The following BMPR1B variants were observed in gnomAD, a reference collection of about 807,000 sequenced individuals.
BMPR1B encodes bone morphogenetic protein receptor type-1B.
In BMPR1B, 12 loss-of-function variants were observed where a neutral mutation model predicts 59.1. The observed-to-expected ratio is 0.20, with a 90% CI of 0.13 to 0.33. BMPR1B has a LOEUF of 0.33. BMPR1B is among the 10% of genes least tolerant of loss of function. BMPR1B has a pLI of 1.00. For synonymous variants in BMPR1B, 237 were observed against 207.3 expected, an observed-to-expected ratio of 1.14 and a Z score of -1.23; for missense variants, 550 against 610.9, an observed-to-expected ratio of 0.90 and a Z score of 1.05.
At chr4:94,990,848 C>T (rs1721701594) in intron 2 of BMPR1B, among the ~76,000 whole-genome samples, 1 of 152,200 alleles carries the variant, frequency 6.6e-6, no homozygotes, top group Non-Finnish European at 1.5e-5. Context: ...ATTACCCCAT[C>T]CTTTTTCTTT....
At chr4:95,132,394 C>CA (rs1034679021) in intron 10 of BMPR1B, among the ~76,000 whole-genome samples, 8 of 151,796 alleles carry the variant, frequency 5.3e-5, no homozygotes, top group African/African-American at 1.5e-4. Flanking sequence ...GTAAAATTCA[C>CA]AAAAAAAGAC....
At chr4:95,138,694 C>G (rs1010478144) in intron 10 of BMPR1B, among the ~76,000 whole-genome samples, 1 of 152,266 alleles carries the variant, frequency 6.6e-6, no homozygotes, top group South Asian at 2.1e-4. Context: ...TTCACTTGAT[C>G]GAATCGACTA....
intron 2 of BMPR1B, among the ~76,000 whole-genome samples, chr4:94,933,283 T>C (rs1406237648): frequency 6.6e-6 from 1 of 152,088 alleles, no homozygotes; most frequent in Non-Finnish European, 1.5e-5. Flanking sequence ...TTCCATTATA[T>C]CATAGTTTAT....
chr4:94,854,609 T>C lies in BMPR1B; in HGVS notation c.-182-21222T>C, dbSNP rs191010254. Among the ~76,000 whole-genome samples, 690 of 152,308 alleles carry C rather than the reference T, an allele frequency of 4.5e-3. 3 individuals are homozygous for C. The highest frequency in any genetic ancestry group is 0.016 in the African/African-American group (655 of 41,568). On this transcript the variant is annotated intron_variant, in intron 1 of 12. Transcript: ENST00000515059. ...TTATATGTAAAATGCAGTAAGGTTC[T>C]AGACTGAGATAATTAAACATATTTT...
At chr4:95,002,943 CT>C (rs1346357975) in intron 3 of BMPR1B, among the ~76,000 whole-genome samples, 3 of 151,262 alleles carry the variant, frequency 2.0e-5, no homozygotes, top group Non-Finnish European at 4.4e-5. Flanking sequence ...TATACTTATT[CT>C]TTTTTTTCCA....
intron 1 of BMPR1B, among the ~76,000 whole-genome samples, chr4:94,871,092 T>C (rs1349824328): frequency 1.3e-5 from 2 of 152,128 alleles, no homozygotes; most frequent in Non-Finnish European, 2.9e-5. Context: ...ATTATCCCAA[T>C]TTTACAGATG....
At chr4:94,864,365 G>A (rs11941238) in intron 1 of BMPR1B, among the ~76,000 whole-genome samples, 10,490 of 152,104 alleles carry the variant, frequency 0.069, 930 homozygotes, top group African/African-American at 0.21. Flanking sequence ...AAAACGCCAA[G>A]CTCCAATTAC....
At chr4:94,778,337 T>C (rs1376872837) in intron 1 of BMPR1B, among the ~76,000 whole-genome samples, 1 of 152,196 alleles carries the variant, frequency 6.6e-6, no homozygotes, top group African/African-American at 2.4e-5. Flanking sequence ...AATACGACTC[T>C]TTAGGTAGTG....
chr4:94,967,392 A>G (rs1730592662), intron 2 of BMPR1B, among the ~76,000 whole-genome samples: 1 of 152,110 alleles, frequency 6.6e-6, no homozygotes, highest in South Asian at 2.1e-4. Context: ...TTTATTGTAA[A>G]GTAACTTTCT....
At chr4:95,080,586 C>T (rs1729062196) in intron 3 of BMPR1B, among the ~76,000 whole-genome samples, 2 of 152,120 alleles carry the variant, frequency 1.3e-5, no homozygotes, top group Admixed American at 6.6e-5. Flanking sequence ...GGTTATTGGT[C>T]ATCTATTGTG....
intron 3 of BMPR1B, among the ~76,000 whole-genome samples, chr4:95,013,527 A>T (rs1723366513): frequency 6.6e-6 from 1 of 152,194 alleles, no homozygotes; most frequent in Non-Finnish European, 1.5e-5. Flanking sequence ...AAGACTGCCC[A>T]GTTTCTCAGG....
intron 2 of BMPR1B, among the ~76,000 whole-genome samples, chr4:94,981,005 A>ACACGCGCGCGTACGCGCGCG (rs1721043060): frequency 8.1e-6 from 1 of 122,710 alleles, no homozygotes; most frequent in African/African-American, 3.4e-5. Flanking sequence ...ACACACACAC[A>ACACGCGCGCGTACGCGCGCG]CACACACACA....
intron 3 of BMPR1B, among the ~76,000 whole-genome samples, chr4:95,068,890 G>A (rs1728053463): frequency 6.6e-6 from 1 of 152,130 alleles, no homozygotes; most frequent in African/African-American, 2.4e-5. Context: ...CTCACTTAAT[G>A]TTGTTGATAG....
At chr4:94,896,853 C>T (rs1727607281) in intron 2 of BMPR1B, among the ~76,000 whole-genome samples, 1 of 151,996 alleles carries the variant, frequency 6.6e-6, no homozygotes, top group African/African-American at 2.4e-5. Flanking sequence ...TTAATATAAA[C>T]TATATCCTGA....
At chr4:94,771,647 T>C (rs993995006) in intron 1 of BMPR1B, among the ~76,000 whole-genome samples, 1 of 152,224 alleles carries the variant, frequency 6.6e-6, no homozygotes, top group African/African-American at 2.4e-5. Context: ...TCCCTTATTC[T>C]ACCCTTTCAG....
At chr4:94,923,714 G>A (rs916731757) in intron 2 of BMPR1B, among the ~76,000 whole-genome samples, 1 of 152,090 alleles carries the variant, frequency 6.6e-6, no homozygotes, top group African/African-American at 2.4e-5. Flanking sequence ...ATGTGTTCTT[G>A]TTGGAGGTGA....
chr4:95,017,870 G>A (rs551794109), intron 3 of BMPR1B, among the ~76,000 whole-genome samples: 4 of 152,226 alleles, frequency 2.6e-5, no homozygotes, highest in South Asian at 4.1e-4. Flanking sequence ...TATAGTTGTG[G>A]AAACTCTAGA....
At chr4:94,925,564 A>C (rs1416069684) in intron 2 of BMPR1B, among the ~76,000 whole-genome samples, 2 of 152,144 alleles carry the variant, frequency 1.3e-5, no homozygotes, top group Admixed American at 1.3e-4. Flanking sequence ...CTATTTGTGA[A>C]TTTCACAGAT....
chr4:95,091,990 G>T (rs1373454086), intron 3 of BMPR1B, among the ~76,000 whole-genome samples: 3 of 151,942 alleles, frequency 2.0e-5, no homozygotes, highest in Non-Finnish European at 4.4e-5. Flanking sequence ...TTGTATAAAG[G>T]TCTTGTGGTT....
Sources: allele counts gnomAD v4.1 joint callset (sites outside exome capture counted in the v4.1 genomes callset), GRCh38; gene constraint gnomAD v4.1.1; transcripts MANE v1.5; gene names NCBI Gene and HGNC (gene_info 2026-07-23, HGNC 2026-07-21).